Variants in GLI3 observed in about 807,000 individuals in gnomAD.
GLI3 encodes GLI family zinc finger 3.
In GLI3, 20 loss-of-function variants were observed where a neutral mutation model predicts 100.8. That is an observed-to-expected ratio of 0.20 (90% CI 0.14 to 0.29). The LOEUF (loss-of-function observed/expected upper bound fraction) is 0.29, where lower values mean the gene tolerates loss of function less well. Ranked by LOEUF, GLI3 falls within the 10% of genes least tolerant of loss-of-function variation. The probability of loss-of-function intolerance (pLI) is 1.00; values close to 1 mark genes in which losing one functional copy is unlikely to be tolerated. For missense variants in GLI3, 2,040 were observed against 2,128.5 expected (o/e 0.96, Z 0.82); for synonymous variants, 938 against 860.5 (o/e 1.09, Z -1.58).
chr7:42,013,273 T>C (rs188224822), intron 10 of GLI3, among the ~76,000 whole-genome samples: 32 of 152,358 alleles, frequency 2.1e-4, no homozygotes, highest in Non-Finnish European at 3.5e-4. Context: ...ATTCTCTGTA[T>C]TCGTCCAAAA....
In GLI3 at chr7:41,962,189, T is replaced by C. The variant is rs949400596; in HGVS notation, c.*2141A>G. ...AGCCCTCTGATGGAGGAGGTCAGCA[T>C]GGTCCCTTCCACCCAAGCTCCTTTC... On this transcript the variant is annotated 3_prime_UTR_variant, in exon 15 of 15. Coordinates refer to ENST00000395925, the MANE Select transcript of GLI3 (RefSeq NM_000168.6). 5.3e-5 allele frequency: 8 copies of C among 152,208 alleles called. No homozygotes were observed. The highest frequency in any genetic ancestry group is 1.4e-4 in the African/African-American group (6 of 41,454). 9.4% of individuals were successfully genotyped at this position (152,208 alleles called of 1,614,324 possible). A position where few individuals can be genotyped will look rare whatever the true frequency, so the allele number is the denominator to read the frequency against.
intron 2 of GLI3, among the ~76,000 whole-genome samples, chr7:42,221,118 T>C (rs1007688610): frequency 6.6e-6 from 1 of 152,236 alleles, no homozygotes; most frequent in African/African-American, 2.4e-5. Flanking sequence ...CTGCTCCTTC[T>C]CTGGCTAGTT....
chr7:42,054,112 T>C (rs1784405404), intron 4 of GLI3, among the ~76,000 whole-genome samples: 2 of 152,196 alleles, frequency 1.3e-5, no homozygotes, highest in South Asian at 2.1e-4. Context: ...TGGAAACTGT[T>C]TGTTGGTGTA....
At chr7:42,116,045 C>G (rs189365726) in intron 3 of GLI3, among the ~76,000 whole-genome samples, 8 of 152,122 alleles carry the variant, frequency 5.3e-5, no homozygotes, top group Admixed American at 3.9e-4. Flanking sequence ...ACACCAAGAC[C>G]AGACAGAAAC....
At chr7:41,998,311 C>T (rs1391413310) in intron 10 of GLI3, among the ~76,000 whole-genome samples, 1 of 152,134 alleles carries the variant, frequency 6.6e-6, no homozygotes, top group Non-Finnish European at 1.5e-5. Context: ...TTTCTTTATA[C>T]ATATTAAAAA....
At chr7:42,263,293 C>T (rs1044625767) in intron 1 of GLI3, among the ~76,000 whole-genome samples, 2 of 152,170 alleles carry the variant, frequency 1.3e-5, no homozygotes, top group Non-Finnish European at 2.9e-5. Flanking sequence ...GTGCCTCCCC[C>T]TTGCCAGTGA....
At chr7:42,058,882 T>C (rs79780171) in intron 4 of GLI3, among the ~76,000 whole-genome samples, 1,634 of 152,370 alleles carry the variant, frequency 0.011, 13 homozygotes, top group South Asian at 0.026. Flanking sequence ...TATAACTCAT[T>C]AATAAATTAA....
chr7:42,035,186 TG>T (rs3216238), intron 7 of GLI3, among the ~76,000 whole-genome samples: 77,527 of 151,972 alleles, frequency 0.51, 20,665 homozygotes, highest in African/African-American at 0.67. Context: ...AATTTGGCAC[TG>T]TATTTATCTG....
intron 12 of GLI3, among the ~76,000 whole-genome samples, chr7:41,976,096 C>G (rs1237372149): frequency 2.0e-5 from 3 of 152,162 alleles, no homozygotes; most frequent in Non-Finnish European, 4.4e-5. Context: ...GCAGTCATCA[C>G]TATTCCCTCT....
intron 10 of GLI3, among the ~76,000 whole-genome samples, chr7:41,991,590 AAGAGCATAAGCCC>A (rs1787989091): frequency 6.6e-6 from 1 of 152,226 alleles, no homozygotes; most frequent in South Asian, 2.1e-4. Flanking sequence ...AGTTTAGAGA[AAGAGCATAAGCCC>A]AGACAGTAGG....
chr7:42,197,028 T>C (rs1466913354), intron 2 of GLI3, among the ~76,000 whole-genome samples: 2 of 152,196 alleles, frequency 1.3e-5, no homozygotes, highest in African/African-American at 4.8e-5. Flanking sequence ...ATTTTACAAA[T>C]AAGGAAACTG....
chr7:42,240,422 A>G (rs1167108455), upstream of GLI3, among the ~76,000 whole-genome samples: 1 of 152,184 alleles, frequency 6.6e-6, no homozygotes. Context: ...GTATTGTCCT[A>G]TAGTTTCTAG....
rs541159547 is a variant in GLI3 at position 42,113,765 on chromosome 7, T to C, written c.367+34461A>G. ...CACACAGAACACTTCATTGTTGTTT[T>C]TGGAGGACAGGATATATGTCCCTAA... On this transcript the variant is annotated intron_variant, in intron 3 of 14. Transcript: ENST00000395925. The C allele has an allele frequency of 6.4e-5, 34 of 533,456 alleles. No homozygotes were observed. The South Asian group carries it at 6.6e-4, about 10-fold the overall frequency. 33.0% of individuals were successfully genotyped at this position (533,456 alleles called of 1,614,324 possible). A position where few individuals can be genotyped will look rare whatever the true frequency, so the allele number is the denominator to read the frequency against.
chr7:42,182,551 A>G (rs1256521811), intron 2 of GLI3, among the ~76,000 whole-genome samples: 3 of 149,458 alleles, frequency 2.0e-5, no homozygotes, highest in African/African-American at 7.4e-5. Context: ...CTGACCAGCT[A>G]AGCTTATTAC....
chr7:42,170,644 C>T (rs747373245), intron 2 of GLI3, among the ~76,000 whole-genome samples: 24 of 152,000 alleles, frequency 1.6e-4, no homozygotes, highest in Non-Finnish European at 2.9e-4. Flanking sequence ...CCTCGTGATC[C>T]ACCCGCCTTG....
chr7:41,989,119 TAA>T (rs1787909384), intron 10 of GLI3, among the ~76,000 whole-genome samples: 1 of 152,202 alleles, frequency 6.6e-6, no homozygotes. Context: ...AAACTCTTCT[TAA>T]GCAAATTGAT....
At chr7:42,190,131 T>A (rs1247347393) in intron 2 of GLI3, among the ~76,000 whole-genome samples, 4 of 104,864 alleles carry the variant, frequency 3.8e-5, no homozygotes, top group Admixed American at 3.5e-4. Context: ...ATGAATATCA[T>A]CTTACTGTCA....
chr7:42,067,491 C>T (rs1348187880), intron 4 of GLI3, among the ~76,000 whole-genome samples: 1 of 152,206 alleles, frequency 6.6e-6, no homozygotes, highest in Non-Finnish European at 1.5e-5. Flanking sequence ...GATAGAGATA[C>T]TATTCACTTA....
At chr7:42,181,303 C>G (rs530533222) in intron 2 of GLI3, among the ~76,000 whole-genome samples, 1 of 152,140 alleles carries the variant, frequency 6.6e-6, no homozygotes, top group Non-Finnish European at 1.5e-5. Context: ...AAATTTCAGC[C>G]TATGCAGAAT....
Sources: gnomAD v4.1 joint callset for allele counts (sites outside exome capture counted in the v4.1 genomes callset) on GRCh38, gnomAD v4.1.1 for gene constraint, MANE v1.5 for transcripts, NCBI Gene and HGNC (gene_info 2026-07-23, HGNC 2026-07-21) for gene names.